The following ZFAT variants were observed in gnomAD, a reference collection of about 807,000 sequenced individuals.
The protein encoded by ZFAT is zinc finger protein ZFAT.
A neutral mutation model predicts 117.7 loss-of-function variants in ZFAT; 64 were observed. The ratio of observed to expected loss-of-function variants is 0.54; its 90% CI spans 0.44 to 0.67. The LOEUF (loss-of-function observed/expected upper bound fraction) is 0.67, where lower values mean the gene tolerates loss of function less well. Ranked by LOEUF, ZFAT falls within the 30% of genes least tolerant of loss-of-function variation. The pLI, the probability that ZFAT is intolerant of heterozygous loss-of-function variation, is 0.00. For missense variants in ZFAT, 1,433 were observed against 1,584.5 expected, an observed-to-expected ratio of 0.90 and a Z score of 1.62; for synonymous variants, 679 against 615.0, an observed-to-expected ratio of 1.10 and a Z score of -1.54.
At chr8:134,707,633 C>G (rs1834186828) in intron 1 of ZFAT, among the ~76,000 whole-genome samples, 1 of 152,168 alleles carries the variant, frequency 6.6e-6, no homozygotes, top group African/African-American at 2.4e-5. Context: ...TGGTCCTTGG[C>G]TCCAGGTCCC....
intron 12 of ZFAT, among the ~76,000 whole-genome samples, chr8:134,524,220 C>G (rs958757231): frequency 2.6e-5 from 4 of 152,168 alleles, no homozygotes; most frequent in African/African-American, 9.7e-5. Flanking sequence ...TATCCGAGGG[C>G]CTGCCTTGGT....
chr8:134,501,294 C>T (rs961037069), intron 15 of ZFAT, among the ~76,000 whole-genome samples: 1 of 152,144 alleles, frequency 6.6e-6, no homozygotes, highest in Admixed American at 6.5e-5. Context: ...AGGACACATG[C>T]AATTCTCTTG....
At chr8:134,609,862 CA>C (rs1474555876) in intron 4 of ZFAT, among the ~76,000 whole-genome samples, 2 of 152,014 alleles carry the variant, frequency 1.3e-5, no homozygotes, top group South Asian at 2.1e-4. Context: ...TCTAAAAATA[CA>C]AAAAAAGATC....
intron 12 of ZFAT, among the ~76,000 whole-genome samples, chr8:134,525,556 C>A (rs987105949): frequency 1.3e-5 from 2 of 152,192 alleles, no homozygotes; most frequent in Non-Finnish European, 2.9e-5. Flanking sequence ...AGTTTTGATG[C>A]GCTCAATCTC....
At chr8:134,769,928 A>C in the ZFAT span, among the ~76,000 whole-genome samples, 1 of 152,048 alleles carries the variant, frequency 6.6e-6, no homozygotes, top group Non-Finnish European at 1.5e-5. Flanking sequence ...CTCTATGTTG[A>C]CCCCTTTCAG....
intron 8 of ZFAT, among the ~76,000 whole-genome samples, chr8:134,588,949 C>T (rs533807845): frequency 1.4e-4 from 22 of 152,162 alleles, no homozygotes; most frequent in Admixed American, 3.9e-4. Context: ...GCATTTTAAA[C>T]GTTTTTATGG....
the ZFAT span, among the ~76,000 whole-genome samples, chr8:134,807,558 A>G: frequency 6.6e-6 from 1 of 152,144 alleles, no homozygotes; most frequent in Non-Finnish European, 1.5e-5. Context: ...GTTGGCTACA[A>G]TTTGACTCTG....
the ZFAT span, among the ~76,000 whole-genome samples, chr8:134,822,875 A>G: frequency 6.6e-6 from 1 of 152,180 alleles, no homozygotes; most frequent in Non-Finnish European, 1.5e-5. Context: ...GACTTAGGAA[A>G]ATTAACTTGC....
At chr8:134,693,983 C>A (rs1833705574) in intron 1 of ZFAT, among the ~76,000 whole-genome samples, 1 of 152,134 alleles carries the variant, frequency 6.6e-6, no homozygotes, top group South Asian at 2.1e-4. Context: ...CCCAGAAATG[C>A]AGAATTTAAA....
At chr8:134,826,339 T>C in the ZFAT span, among the ~76,000 whole-genome samples, 2 of 152,182 alleles carry the variant, frequency 1.3e-5, no homozygotes, top group African/African-American at 4.8e-5. Context: ...TACCATATAA[T>C]CACGAAGAAC....
chr8:134,744,295 G>GTTTT, the ZFAT span, among the ~76,000 whole-genome samples: 6 of 132,104 alleles, frequency 4.5e-5, no homozygotes, highest in African/African-American at 1.4e-4. Context: ...GAGGCTAAGA[G>GTTTT]TTTTTTTTTT....
At chr8:134,579,307 A>G (rs1022084599) in intron 10 of ZFAT, among the ~76,000 whole-genome samples, 1 of 152,250 alleles carries the variant, frequency 6.6e-6, no homozygotes, top group Non-Finnish European at 1.5e-5. Context: ...TAGGTAATTT[A>G]TAAAGAAAAA....
chr8:134,720,204 C>T, the ZFAT span, among the ~76,000 whole-genome samples: 7 of 152,244 alleles, frequency 4.6e-5, no homozygotes, highest in African/African-American at 1.4e-4. Flanking sequence ...TGGGTGACCT[C>T]GGCAACCCTG....
intron 2 of ZFAT, among the ~76,000 whole-genome samples, chr8:134,647,848 G>A (rs1427027216): frequency 5.3e-5 from 8 of 152,150 alleles, no homozygotes; most frequent in Non-Finnish European, 4.4e-5. Context: ...CATTGAAGAC[G>A]ACACAAATAA....
At chr8:134,501,568 A>C (rs1027049670) in intron 15 of ZFAT, among the ~76,000 whole-genome samples, 13 of 152,236 alleles carry the variant, frequency 8.5e-5, no homozygotes, top group Non-Finnish European at 1.9e-4. Context: ...ATACAACTGA[A>C]GATGCTAGGG....
the ZFAT span, chr8:134,723,409 G>C: frequency 2.0e-5 from 3 of 152,368 alleles, no homozygotes; most frequent in African/African-American, 7.2e-5. Flanking sequence ...TGGGAGGTCA[G>C]AGAGGAATGA....
chr8:134,746,661 A>C, the ZFAT span, among the ~76,000 whole-genome samples: 1 of 152,130 alleles, frequency 6.6e-6, no homozygotes, highest in Non-Finnish European at 1.5e-5. Flanking sequence ...TGAATCTCCA[A>C]TGCAGTGTCT....
At chr8:134,671,428 G>C (rs1312426072) in intron 1 of ZFAT, among the ~76,000 whole-genome samples, 1 of 152,168 alleles carries the variant, frequency 6.6e-6, no homozygotes, top group African/African-American at 2.4e-5. Context: ...CTTCATCCCT[G>C]GGATGCAAGG....
chr8:134,524,683 G>A (rs145544341), intron 12 of ZFAT, among the ~76,000 whole-genome samples: 89 of 152,252 alleles, frequency 5.8e-4, no homozygotes, highest in Non-Finnish European at 1.0e-3. Flanking sequence ...GCCTGGCCCC[G>A]ATTGTAAGCA....
Sources: gnomAD v4.1 joint callset for allele counts (sites outside exome capture counted in the v4.1 genomes callset) on GRCh38, gnomAD v4.1.1 for gene constraint, MANE v1.5 for transcripts, NCBI Gene and HGNC (gene_info 2026-07-23, HGNC 2026-07-21) for gene names.